Variants in IL20RA observed in about 807,000 individuals in gnomAD.
IL20RA encodes interleukin 20 receptor subunit alpha.
IL20RA carries 29 observed loss-of-function variants against 36.5 expected under a neutral mutation model. That is an observed-to-expected ratio of 0.79 (90% CI 0.59 to 1.08). The LOEUF (loss-of-function observed/expected upper bound fraction) is 1.08, where lower values mean the gene tolerates loss of function less well. IL20RA is among the 50% of genes least tolerant of loss of function. IL20RA has a pLI of 0.00. For synonymous variants in IL20RA, 279 were observed against 267.1 expected, an observed-to-expected ratio of 1.04 and a Z score of -0.43; for missense variants, 652 against 668.4, an observed-to-expected ratio of 0.98 and a Z score of 0.27.
At chr6:137,004,174 T>TTTTTTTTTAGACAGAGCCTTTG (rs1775190766) in intron 6 of IL20RA, among the ~76,000 whole-genome samples, 1 of 124,450 alleles carries the variant, frequency 8.0e-6, no homozygotes, top group Non-Finnish European at 1.7e-5. Flanking sequence ...TTTTTTTTTT[T>TTTTTTTTTAGACAGAGCCTTTG]TTTTTTTTTT....
chr6:137,041,394 T>C (rs917642563), intron 1 of IL20RA, among the ~76,000 whole-genome samples: 3 of 152,242 alleles, frequency 2.0e-5, no homozygotes. Context: ...TTACATAAGA[T>C]GTTTTAATTG....
chr6:137,001,698 C>G lies in IL20RA; in HGVS notation c.1522G>C (p.Glu508Gln), dbSNP rs777718871. Residue 508 changes from glutamate (E) to glutamine (Q), a missense_variant, in exon 7 of 7, where the codon GAG becomes CAG. Coordinates refer to ENST00000316649, the MANE Select transcript of IL20RA (RefSeq NM_014432.4). ...CCCTCCTCTCCGAGCCCATCCCCCT[C>G]AGAAGGCTCGCAGCCCTCTGAATCC... ...DQDSEGCEPS[E>Q]GDGLGEEGLL... 2 of 1,614,168 alleles carry G rather than the reference C, an allele frequency of 1.2e-6. No individual in the cohort carries two copies. The highest frequency in any genetic ancestry group is 2.7e-5 in the African/African-American group (2 of 75,062).
At chr6:137,037,002 C>T (rs750659966) in intron 1 of IL20RA, among the ~76,000 whole-genome samples, 2 of 152,124 alleles carry the variant, frequency 1.3e-5, no homozygotes, top group Non-Finnish European at 2.9e-5. Context: ...ATAATGTAAA[C>T]AAATGCTTTA....
intron 1 of IL20RA, among the ~76,000 whole-genome samples, chr6:137,018,516 G>A (rs868037565): frequency 0.024 from 3,420 of 144,152 alleles, 42 homozygotes; most frequent in Middle Eastern, 0.028. Flanking sequence ...CCGTGTGCGT[G>A]TGTGTGTGTG....
intron 6 of IL20RA, among the ~76,000 whole-genome samples, chr6:137,004,173 T>TGTTTTTTTTTTG (rs1372695998): frequency 3.0e-5 from 4 of 133,518 alleles, no homozygotes; most frequent in African/African-American, 1.2e-4. Flanking sequence ...TTTTTTTTTT[T>TGTTTTTTTTTTG]TTTTTTTTTT....
At position 137,001,489 on chromosome 6, in the gene IL20RA, T is replaced by C; in HGVS notation, c.*69A>G. The C allele has an allele frequency of 7.2e-7, 1 of 1,396,350 alleles. No homozygotes were observed. The highest frequency in any genetic ancestry group is 1.5e-5 in the South Asian group (1 of 67,284). The allele number at this position is 1,396,350 out of a possible 1,614,324, so 86.5% of individuals were successfully genotyped here. A position where few individuals can be genotyped will look rare whatever the true frequency, so the allele number is the denominator to read the frequency against. ...AAAACTTCTTTCATCCCAGGTACTT[T>C]ATGGCTGGGATCAAAGGGGTGACTC... On this transcript the variant is annotated 3_prime_UTR_variant, in exon 7 of 7. Coordinates refer to ENST00000316649, the MANE Select transcript of IL20RA (RefSeq NM_014432.4).
intron 1 of IL20RA, among the ~76,000 whole-genome samples, chr6:137,018,513 CGT>C (rs3842115): frequency 0.038 from 5,472 of 142,820 alleles, 132 homozygotes; most frequent in South Asian, 0.14. Context: ...CTGCCGTGTG[CGT>C]GTGTGTGTGT....
chr6:137,038,198 T>A (rs562207647), intron 1 of IL20RA: 1 of 149,540 alleles, frequency 6.7e-6, no homozygotes, highest in East Asian at 1.9e-4. Context: ...ATAGTTCTTT[T>A]GTTCTCCTTT....
rs1562240269 is a variant in IL20RA, at chr6:137,030,069, G to GTTTT, written c.89-12967_89-12966insAAAA. The stretch of plus-strand genomic sequence containing the variant: ...TGGTGGAAAATGTCAGCGGTTTGCG[G>GTTTT]GTTTTTTTTTTTTTTTTTTTTTTTT... On this transcript the variant is annotated intron_variant, in intron 1 of 6. Coordinates refer to ENST00000316649, the MANE Select transcript of IL20RA (RefSeq NM_014432.4). 2.5e-4 allele frequency among the ~76,000 whole-genome samples: 11 copies of GTTTT among 44,688 alleles called. No homozygotes were observed. The East Asian group carries it at 5.4e-3, about 22-fold the overall frequency. 29.3% of individuals were successfully genotyped at this position (44,688 alleles called of 152,430 possible). A position where few individuals can be genotyped will look rare whatever the true frequency, so the allele number is the denominator to read the frequency against.
intron 1 of IL20RA, among the ~76,000 whole-genome samples, chr6:137,036,743 A>G (rs1233231631): frequency 1.3e-5 from 2 of 152,062 alleles, no homozygotes; most frequent in Non-Finnish European, 2.9e-5. Context: ...ATAAAGTTGC[A>G]TTATTTTAAG....
At chr6:137,003,127 T>C (rs1419338402) in intron 6 of IL20RA, among the ~76,000 whole-genome samples, 1 of 152,206 alleles carries the variant, frequency 6.6e-6, no homozygotes, top group African/African-American at 2.4e-5. Context: ...CTCAATCTTT[T>C]ACAACATTTT....
intron 1 of IL20RA, among the ~76,000 whole-genome samples, chr6:137,030,070 GTTTTTTTTTTTTTTT>G (rs1188809232): frequency 3.2e-5 from 2 of 62,804 alleles, no homozygotes; most frequent in Admixed American, 2.9e-4. Flanking sequence ...CGGTTTGCGG[GTTTTTTTTTTTTTTT>G]TTTTTTTTTT....
At chr6:137,025,162 G>A (rs1378776491) in intron 1 of IL20RA, among the ~76,000 whole-genome samples, 3 of 152,166 alleles carry the variant, frequency 2.0e-5, no homozygotes, top group East Asian at 3.9e-4. Flanking sequence ...TGGAATGTGT[G>A]TGTTCCTCCT....
chr6:137,001,659 G>A lies in IL20RA; in HGVS notation c.1561C>T (p.Leu521Phe). The part of the protein sequence containing the change: ...GLGEEGLLSR[L>F]YEEPAPDRPP... ...CTGTCTGGAGCCGGCTCCTCATAGA[G>A]TCTAGATAGAAGACCCTCCTCTCCG... Residue 521 changes from leucine to phenylalanine, a missense_variant, in exon 7 of 7, where the codon CTC becomes TTC. By Grantham distance (22) the Leu-to-Phe change is conservative. Transcript: ENST00000316649. 6.2e-7 allele frequency: 1 copy of A among 1,614,110 alleles called. No individual in the cohort carries two copies. Among genetic ancestry groups the A allele is most frequent in the South Asian group, 1.1e-5 (1 of 91,074 alleles).
At chr6:137,039,390 A>G (rs1582843278) in intron 1 of IL20RA, among the ~76,000 whole-genome samples, 2 of 152,178 alleles carry the variant, frequency 1.3e-5, no homozygotes, top group Admixed American at 1.3e-4. Flanking sequence ...CTGCAAATCT[A>G]TAGATAAGAA....
At chr6:137,004,168 T>TGTTTTG (rs1361799133) in intron 6 of IL20RA, among the ~76,000 whole-genome samples, 2 of 127,152 alleles carry the variant, frequency 1.6e-5, no homozygotes, top group African/African-American at 3.1e-5. Flanking sequence ...GCTTTTTTTT[T>TGTTTTG]TTTTTTTTTT....
intron 1 of IL20RA, among the ~76,000 whole-genome samples, chr6:137,024,212 T>C (rs1471211843): frequency 6.6e-6 from 1 of 152,166 alleles, no homozygotes; most frequent in African/African-American, 2.4e-5. Flanking sequence ...TTAAAAAAAA[T>C]TGCGAAGTTT....
At chr6:137,007,189 C>T (rs112496820) in intron 5 of IL20RA, among the ~76,000 whole-genome samples, 4,745 of 152,276 alleles carry the variant, frequency 0.031, 94 homozygotes, top group Non-Finnish European at 0.05. Context: ...AGCACTTCTC[C>T]CAAATACAAA....
At position 137,002,102 on chromosome 6, in the gene IL20RA, G is replaced by C. The variant is rs1243129965; in HGVS notation, c.1118C>G (p.Ser373Cys). ...AGAAGTACCTTCCGTGTTTTCTTCA[G>C]AGTCACAAAAAATTTCCATCAAATG... is the stretch of plus-strand genomic sequence containing the variant. ...ASHLMEIFCD[S>C]EENTEGTSLT... Residue 373 changes from serine to cysteine, a missense_variant, in exon 7 of 7, where the codon TCT (serine) becomes TGT (cysteine). Ser to Cys is a moderately radical substitution (Grantham distance 112). Transcript: ENST00000316649. 6.2e-7 allele frequency: 1 copy of C among 1,614,152 alleles called. No individual in the cohort carries two copies. Among genetic ancestry groups the C allele is most frequent in the Admixed American group, 1.7e-5 (1 of 60,022 alleles).
Sources: gnomAD v4.1 joint callset for allele counts (sites outside exome capture counted in the v4.1 genomes callset) on GRCh38, gnomAD v4.1.1 for gene constraint, MANE v1.5 for transcripts, NCBI Gene and HGNC (gene_info 2026-07-23, HGNC 2026-07-21) for gene names.